ZSCAN25: variants seen among roughly 807,000 people sequenced by gnomAD.
ZSCAN25 encodes the protein zinc finger and SCAN domain containing 25.
A neutral mutation model predicts 38.7 loss-of-function variants in ZSCAN25; 27 were observed. The ratio of observed to expected loss-of-function variants is 0.70; its 90% CI spans 0.51 to 0.96. ZSCAN25 has a LOEUF of 0.96. ZSCAN25 is among the 40% of genes least tolerant of loss of function. ZSCAN25 has a pLI of 0.00. For synonymous variants in ZSCAN25, 273 were observed against 277.7 expected (o/e 0.98, Z 0.17); for missense variants, 637 against 705.9 (o/e 0.90, Z 1.11).
chr7:99,676,371 C>A, the ZSCAN25 span: 1 of 1,528,234 alleles, frequency 6.5e-7, no homozygotes. Flanking sequence ...CTCATCAGGT[C>A]CTTTCCTGAC....
the ZSCAN25 span, among the ~76,000 whole-genome samples, chr7:99,684,790 TTTCA>T: frequency 6.6e-6 from 1 of 152,232 alleles, no homozygotes; most frequent in Non-Finnish European, 1.5e-5. Flanking sequence ...TAATTCTTAT[TTTCA>T]TTAATAATTT....
the ZSCAN25 span, among the ~76,000 whole-genome samples, chr7:99,710,410 G>T: frequency 1.7e-3 from 264 of 152,282 alleles, no homozygotes; most frequent in Admixed American, 2.8e-3. Context: ...GCCAATATCA[G>T]CAGAGCTCAC....
chr7:99,624,293 G>A (rs1393029133), intron 7 of ZSCAN25, 113 bp downstream of exon 7: 20 of 1,389,194 alleles, frequency 1.4e-5, no homozygotes, highest in East Asian at 6.9e-5. Flanking sequence ...CATGGCAGGC[G>A]GGTAAATGGG....
chr7:99,694,585 TG>T, the ZSCAN25 span, among the ~76,000 whole-genome samples: 38,151 of 152,130 alleles, frequency 0.25, 8,390 homozygotes, highest in African/African-American at 0.58. Context: ...ATGTTTATCT[TG>T]GGGGGTACAT....
the ZSCAN25 span, among the ~76,000 whole-genome samples, chr7:99,668,928 A>C: frequency 6.6e-6 from 1 of 152,226 alleles, no homozygotes; most frequent in Non-Finnish European, 1.5e-5. Flanking sequence ...TATCAATAAT[A>C]TTTCAACCTA....
chr7:99,642,432 C>T, the ZSCAN25 span, among the ~76,000 whole-genome samples: 1 of 152,174 alleles, frequency 6.6e-6, no homozygotes, highest in Non-Finnish European at 1.5e-5. Flanking sequence ...ACACCTAGCA[C>T]CAACCATCAG....
the ZSCAN25 span, among the ~76,000 whole-genome samples, chr7:99,721,707 C>T: frequency 2.0e-5 from 3 of 152,090 alleles, no homozygotes; most frequent in South Asian, 4.2e-4. Flanking sequence ...TTTACAATAG[C>T]GAGTGTGAAC....
At chr7:99,737,179 A>G in the ZSCAN25 span, among the ~76,000 whole-genome samples, 1 of 152,158 alleles carries the variant, frequency 6.6e-6, no homozygotes, top group African/African-American at 2.4e-5. Flanking sequence ...ACAGATGTAG[A>G]AACTGAGGCT....
the ZSCAN25 span, among the ~76,000 whole-genome samples, chr7:99,639,762 A>G: frequency 6.6e-6 from 1 of 152,100 alleles, no homozygotes; most frequent in Non-Finnish European, 1.5e-5. Flanking sequence ...TCTCCTGTGA[A>G]TTCTAACTCA....
At chr7:99,717,997 T>G in the ZSCAN25 span, among the ~76,000 whole-genome samples, 1 of 152,090 alleles carries the variant, frequency 6.6e-6, no homozygotes, top group Non-Finnish European at 1.5e-5. Flanking sequence ...ACGAGCTCTG[T>G]CTTTATGTTC....
chr7:99,628,105 G>A (rs1807654610), intron 7 of ZSCAN25, among the ~76,000 whole-genome samples: 1 of 151,886 alleles, frequency 6.6e-6, no homozygotes, highest in Non-Finnish European at 1.5e-5. Context: ...GGAAAAAAAG[G>A]GTAACGTGAC....
chr7:99,666,771 C>T, the ZSCAN25 span: 1 of 1,605,540 alleles, frequency 6.2e-7, no homozygotes, highest in Non-Finnish European at 8.5e-7. Context: ...CAGCATGGAG[C>T]AGTAAGTGAC....
the ZSCAN25 span, chr7:99,660,213 CCT>C: frequency 1.1e-5 from 7 of 653,722 alleles, no homozygotes; most frequent in Non-Finnish European, 1.1e-5. Flanking sequence ...TCGCCACACT[CCT>C]TTTTTTTTTT....
At chr7:99,677,656 G>A in the ZSCAN25 span, among the ~76,000 whole-genome samples, 1 of 152,212 alleles carries the variant, frequency 6.6e-6, no homozygotes, top group Non-Finnish European at 1.5e-5. Flanking sequence ...CTCAGCAGGG[G>A]CAGCATGAGC....
the ZSCAN25 span, chr7:99,652,563 G>A: frequency 3.3e-5 from 53 of 1,607,544 alleles, no homozygotes; most frequent in East Asian, 8.9e-5. Context: ...CTTTCAGGGC[G>A]GAACTCCTCA....
chr7:99,631,483 C>G lies in ZSCAN25; in HGVS notation c.*1463C>G. 2.0e-6 allele frequency: 2 copies of G among 985,524 alleles called. No individual in the cohort carries two copies. Among genetic ancestry groups the G allele is most frequent in the Middle Eastern group, 5.2e-4 (1 of 1,914 alleles). 61.0% of individuals were successfully genotyped at this position (985,524 alleles called of 1,614,324 possible). On this transcript the variant is annotated 3_prime_UTR_variant, in exon 8 of 8. Transcript: ENST00000394152. ...CTGGAAGCTGCATAACTAGCGTGGA[C>G]TGACTGCTGTGTCATTGTGCTGTGC...
the ZSCAN25 span, chr7:99,708,009 A>T: frequency 3.1e-6 from 5 of 1,613,468 alleles, no homozygotes; most frequent in East Asian, 1.1e-4. Context: ...TAAAAGTTAA[A>T]GACATAATAC....
At chr7:99,660,797 T>C in the ZSCAN25 span, 2 of 1,007,236 alleles carry the variant, frequency 2.0e-6, no homozygotes, top group East Asian at 5.5e-5. Flanking sequence ...GGAGTGGTTT[T>C]CATTCTGATA....
At chr7:99,681,443 C>T in the ZSCAN25 span, among the ~76,000 whole-genome samples, 1 of 152,146 alleles carries the variant, frequency 6.6e-6, no homozygotes, top group African/African-American at 2.4e-5. Flanking sequence ...ACAAGGGTTC[C>T]CTTTTCTCCA....
Sources: gnomAD v4.1 joint callset for allele counts (sites outside exome capture counted in the v4.1 genomes callset) on GRCh38, gnomAD v4.1.1 for gene constraint, MANE v1.5 for transcripts, NCBI Gene and HGNC (gene_info 2026-07-23, HGNC 2026-07-21) for gene names.